KIRREL3: variants seen among roughly 807,000 people sequenced by gnomAD.
KIRREL3 encodes the protein kirre like nephrin family adhesion molecule 3.
KIRREL3 carries 36 observed loss-of-function variants against 89.7 expected under a neutral mutation model. That is an observed-to-expected ratio of 0.40 (90% confidence interval 0.31 to 0.53). The LOEUF (loss-of-function observed/expected upper bound fraction) is 0.53. Ranked by LOEUF, KIRREL3 falls within the 20% of genes least tolerant of loss-of-function variation. KIRREL3 has a pLI of 0.49. For missense variants in KIRREL3, 864 were observed against 1,056.6 expected (o/e 0.82, Z 2.53); for synonymous variants, 445 against 441.4 (o/e 1.01, Z -0.10).
rs1946668650 is a variant in KIRREL3, at chr11:126,908,300, T to A, written c.55+92155A>T. 6.6e-6 allele frequency among the ~76,000 whole-genome samples: 1 copy of A among 152,196 alleles called. No individual in the cohort carries two copies. The highest frequency in any genetic ancestry group is 2.4e-5 in the African/African-American group (1 of 41,448). ...TGCCAAGACTAAGAGATTTTTATGATCATTTTGTCCAGCCAAGACTAAGAG... is the reference window on the plus strand; with the variant it reads ...TGCCAAGACTAAGAGATTTTTATGAACATTTTGTCCAGCCAAGACTAAGAG... On this transcript the variant is annotated intron_variant, in intron 1 of 16. Coordinates refer to ENST00000525144, the MANE Select transcript of KIRREL3 (RefSeq NM_032531.4). This position sits in a 1 kb window ranked among gnomAD's most constrained non-coding sequence, Gnocchi z 4.2.
intron 1 of KIRREL3, among the ~76,000 whole-genome samples, chr11:126,923,716 T>A (rs576498562): frequency 1.3e-5 from 2 of 152,118 alleles, no homozygotes; most frequent in Non-Finnish European, 2.9e-5. Flanking sequence ...AGTGCTAGGA[T>A]TACAGGCATG....
chr11:126,829,296 C>T (rs1301236452), intron 1 of KIRREL3, among the ~76,000 whole-genome samples: 2 of 152,108 alleles, frequency 1.3e-5, no homozygotes, highest in African/African-American at 2.4e-5. Context: ...TTCTGCATCT[C>T]ATAAAAGGTA....
chr11:126,753,313 C>T (rs1166183499), intron 1 of KIRREL3, among the ~76,000 whole-genome samples: 1 of 152,182 alleles, frequency 6.6e-6, no homozygotes, highest in Non-Finnish European at 1.5e-5. Flanking sequence ...CTCCAATCCA[C>T]AGCCAGCCAG....
At chr11:126,445,222 A>C in intron 9 of KIRREL3, 117 bp from the exon 10 acceptor site, 6 of 1,329,282 alleles carry the variant, frequency 4.5e-6, no homozygotes, top group Non-Finnish European at 5.2e-6. Flanking sequence ...CCGGCATCTC[A>C]GTAGGAAGCA....
chr11:126,514,501 T>C (rs901456668), intron 4 of KIRREL3, among the ~76,000 whole-genome samples: 2 of 152,180 alleles, frequency 1.3e-5, no homozygotes, highest in African/African-American at 2.4e-5. Flanking sequence ...GGGTTGCTTG[T>C]TGGTGTCTCA....
chr11:126,889,332 C>A (rs768410766), intron 1 of KIRREL3, among the ~76,000 whole-genome samples: 9 of 151,834 alleles, frequency 5.9e-5, no homozygotes, highest in Non-Finnish European at 7.4e-5. Flanking sequence ...TAATATGAAC[C>A]TTTTGGCTGG....
intron 4 of KIRREL3, among the ~76,000 whole-genome samples, chr11:126,506,595 G>T (rs993771745): frequency 6.6e-6 from 1 of 152,170 alleles, no homozygotes; most frequent in Non-Finnish European, 1.5e-5. Context: ...AGAGAAACTG[G>T]AATGCTCATT....
At chr11:126,944,203 C>A (rs1948549917) in intron 1 of KIRREL3, 3 of 152,242 alleles carry the variant, frequency 2.0e-5, no homozygotes, top group Admixed American at 6.5e-5. Context: ...CTCATCAAGT[C>A]TAAGCATAGA....
chr11:126,587,213 C>T lies in KIRREL3; in HGVS notation c.56-24301G>A, dbSNP rs938423284. 3.3e-5 allele frequency among the ~76,000 whole-genome samples: 5 copies of T among 152,072 alleles called. No homozygotes were observed. The highest frequency in any genetic ancestry group is 1.2e-4 in the African/African-American group (5 of 41,408). On this transcript the variant is annotated intron_variant, in intron 1 of 16. Transcript: ENST00000525144. The surrounding 1 kb of genome is among the most constrained non-coding windows in gnomAD (Gnocchi z 5.2). ...GGGACATGACATCCAAGCTGAAACC[C>T]GAAGGACAAATAGGGGACAGGGAGA...
chr11:126,926,160 C>A (rs891824470), intron 1 of KIRREL3, among the ~76,000 whole-genome samples: 1 of 152,326 alleles, frequency 6.6e-6, no homozygotes, highest in East Asian at 1.9e-4. Context: ...GAGGTGCACA[C>A]TGCCTGGCAA....
chr11:126,721,529 CAA>C (rs11410774), intron 1 of KIRREL3, among the ~76,000 whole-genome samples: 52,507 of 135,518 alleles, frequency 0.39, 9,746 homozygotes, highest in Non-Finnish European at 0.42. Flanking sequence ...AACTCCGTCT[CAA>C]AAAAAAAAAA....
At chr11:126,440,365 C>T (rs1182461115) in intron 11 of KIRREL3, 84 bp downstream of exon 11, 2 of 1,202,362 alleles carry the variant, frequency 1.7e-6, no homozygotes, top group Non-Finnish European at 2.4e-6. Context: ...AGGTGTGCAC[C>T]GCCTGGCTGG....
At chr11:126,452,681 C>T (rs1021123693) in intron 7 of KIRREL3, among the ~76,000 whole-genome samples, 8 of 152,316 alleles carry the variant, frequency 5.3e-5, no homozygotes, top group Middle Eastern at 3.4e-3. Context: ...CTGCTGGCTC[C>T]GGGAGCCAAG....
Position 126,891,460 on chromosome 11 carries a change from T to C in KIRREL3, c.55+108995A>G, listed in dbSNP as rs1333996305. Among the ~76,000 whole-genome samples, 5 of 152,226 alleles carry C rather than the reference T, an allele frequency of 3.3e-5. No homozygotes were observed. The highest frequency in any genetic ancestry group is 1.2e-4 in the African/African-American group (5 of 41,454). On this transcript the variant is annotated intron_variant, in intron 1 of 16. Coordinates refer to ENST00000525144, the MANE Select transcript of KIRREL3 (RefSeq NM_032531.4). This position sits in a 1 kb window ranked among gnomAD's most constrained non-coding sequence, Gnocchi z 5.1. Reference sequence around the variant, plus strand: ...GAAGAGGAGGCAAGAGGTGAGCCCATGTCCTACTAAATGCCTGCAAAGTGG... The same window carrying C: ...GAAGAGGAGGCAAGAGGTGAGCCCACGTCCTACTAAATGCCTGCAAAGTGG...
chr11:126,435,526 G>A lies in KIRREL3; in HGVS notation c.1553-223C>T, dbSNP rs150328604. ...AGGGACCGGAGAGAGATCACGTCTC[G>A]GAGGGGTCTGGGAGGGTTGGGGTGA... On this transcript the variant is annotated intron_variant, in intron 12 of 16. Coordinates refer to ENST00000525144, the MANE Select transcript of KIRREL3 (RefSeq NM_032531.4). 2.8e-3 allele frequency among the ~76,000 whole-genome samples: 417 copies of A among 151,448 alleles called. 2 individuals are homozygous for A. Among genetic ancestry groups the A allele is most frequent in the African/African-American group, 8.9e-3 (366 of 41,180 alleles).
In KIRREL3 at chr11:126,521,456, G is replaced by T; in HGVS notation, c.292C>A (p.Gln98Lys). 1.3e-6 allele frequency: 2 copies of T among 1,582,858 alleles called. No homozygotes were observed. ...GVGRDLSSYPQYLVVGNHLSG... is the reference protein window; with the variant it reads ...GVGRDLSSYPKYLVVGNHLSG... ...AGGTGGTTCCCTACCACCAGGTACTGTGGGTAACCTGTGGAGACAACAGGC... is the reference window on the plus strand; with the variant it reads ...AGGTGGTTCCCTACCACCAGGTACTTTGGGTAACCTGTGGAGACAACAGGC... The change falls in exon 4 of 17, where the codon CAG becomes AAG. Residue 98 changes from glutamine to lysine, a missense_variant. Gln to Lys is a moderately conservative substitution (Grantham distance 53). Coordinates refer to ENST00000525144, the MANE Select transcript of KIRREL3 (RefSeq NM_032531.4). This position sits in a 1 kb window ranked among gnomAD's most constrained non-coding sequence, Gnocchi z 4.1.
In KIRREL3 at chr11:126,710,171, G is replaced by GGGCT. The variant is rs1453576441; in HGVS notation, c.56-147263_56-147260dup. Among the ~76,000 whole-genome samples the GGGCT allele has an allele frequency of 3.9e-5, 6 of 152,114 alleles. No individual in the cohort carries two copies. The highest frequency in any genetic ancestry group is 1.2e-4 in the African/African-American group (5 of 41,420). ...TTCTGTCCTGTGTCCATCAGTAGATGGGCTGGCATCAGTGGACCCCAGATC... is the reference window on the plus strand; with the variant it reads ...TTCTGTCCTGTGTCCATCAGTAGATGGGCTGGCTGGCATCAGTGGACCCCAGATC... On this transcript the variant is annotated intron_variant, in intron 1 of 16. Transcript: ENST00000525144. The surrounding 1 kb of genome is among the most constrained non-coding windows in gnomAD (Gnocchi z 4.2).
At chr11:126,483,131 A>G (rs541986281) in intron 4 of KIRREL3, among the ~76,000 whole-genome samples, 3 of 152,350 alleles carry the variant, frequency 2.0e-5, no homozygotes, top group African/African-American at 7.2e-5. Flanking sequence ...CCCTATACTC[A>G]GAGGAAAGAA....
intron 1 of KIRREL3, among the ~76,000 whole-genome samples, chr11:126,706,776 C>T (rs1947545229): frequency 6.6e-6 from 1 of 152,102 alleles, no homozygotes; most frequent in Non-Finnish European, 1.5e-5. Context: ...CTGTAAACAT[C>T]TTTTGCCCAT....
Sources: gnomAD v4.1 joint callset for allele counts (sites outside exome capture counted in the v4.1 genomes callset) on GRCh38, gnomAD v4.1.1 for gene constraint, Gnocchi (gnomAD v3.1) non-coding constraint, MANE v1.5 for transcripts, NCBI Gene and HGNC (gene_info 2026-07-23, HGNC 2026-07-21) for gene names.